AGMO: variants seen among roughly 807,000 people sequenced by gnomAD.
AGMO encodes glyceryl-ether monooxygenase.
Under a neutral mutation model 60.2 loss-of-function variants are expected in AGMO, and 75 were observed. The observed-to-expected ratio is 1.25, with a 90% CI of 1.03 to 1.51. AGMO has a LOEUF of 1.51. AGMO is among the 40% of genes most tolerant of loss of function. AGMO has a pLI of 0.00. For missense variants in AGMO, 763 were observed against 525.5 expected (o/e 1.45, Z -4.42); for synonymous variants, 261 against 177.1 (o/e 1.47, Z -3.76).
At chr7:15,505,634 G>T (rs1783494205) in intron 3 of AGMO, among the ~76,000 whole-genome samples, 1 of 151,726 alleles carries the variant, frequency 6.6e-6, no homozygotes, top group African/African-American at 2.4e-5. Context: ...TGTTCTTGGG[G>T]ACAAAGAGAA....
intron 10 of AGMO, among the ~76,000 whole-genome samples, chr7:15,380,451 C>A (rs1783632529): frequency 6.6e-6 from 1 of 151,914 alleles, no homozygotes; most frequent in South Asian, 2.1e-4. Flanking sequence ...TACAGATAAC[C>A]AGGGAGGTGA....
intron 4 of AGMO, among the ~76,000 whole-genome samples, chr7:15,419,349 A>T (rs2128494510): frequency 6.6e-6 from 1 of 152,138 alleles, no homozygotes; most frequent in South Asian, 2.1e-4. Flanking sequence ...TTGTTCTGCT[A>T]ATGACTTTGA....
chr7:15,394,314 A>T, intron 5 of AGMO, 135 bp from the exon 6 acceptor site: 1 of 678,322 alleles, frequency 1.5e-6, no homozygotes, highest in Non-Finnish European at 2.5e-6. Context: ...GAGTGGAAAA[A>T]AGTTCCACTG....
the AGMO span, among the ~76,000 whole-genome samples, chr7:15,165,626 AAG>A: frequency 6.6e-6 from 1 of 152,324 alleles, no homozygotes; most frequent in Non-Finnish European, 1.5e-5. Context: ...CCCAGATGTA[AAG>A]AGTAGCATAT....
At chr7:15,515,050 G>T (rs1227177334) in intron 3 of AGMO, among the ~76,000 whole-genome samples, 1 of 152,168 alleles carries the variant, frequency 6.6e-6, no homozygotes, top group Non-Finnish European at 1.5e-5. Context: ...CTCACCAATT[G>T]TCTGTTTAGG....
intron 3 of AGMO, among the ~76,000 whole-genome samples, chr7:15,500,182 G>C (rs1003645038): frequency 2.0e-5 from 3 of 151,736 alleles, no homozygotes; most frequent in Non-Finnish European, 2.9e-5. Flanking sequence ...GTTAACAAAT[G>C]AGCTTAACTG....
chr7:15,386,645 CATCTT>C (rs1017661888), intron 9 of AGMO, among the ~76,000 whole-genome samples: 1 of 152,094 alleles, frequency 6.6e-6, no homozygotes. Flanking sequence ...TTAAATAAAA[CATCTT>C]ATTTCCTTGA....
At chr7:15,168,640 C>T in the AGMO span, among the ~76,000 whole-genome samples, 2 of 152,154 alleles carry the variant, frequency 1.3e-5, no homozygotes, top group Non-Finnish European at 2.9e-5. Flanking sequence ...CCTTAGGAGG[C>T]AGGCTATTTT....
At chr7:15,240,739 T>C (rs187881672) in intron 12 of AGMO, among the ~76,000 whole-genome samples, 46 of 152,280 alleles carry the variant, frequency 3.0e-4, no homozygotes, top group African/African-American at 1.0e-3. Flanking sequence ...ATCTAAGACA[T>C]TTTTAAAGAA....
chr7:15,524,536 T>A (rs1784075132), intron 3 of AGMO, among the ~76,000 whole-genome samples: 1 of 152,120 alleles, frequency 6.6e-6, no homozygotes, highest in African/African-American at 2.4e-5. Context: ...CTTTATTGAA[T>A]CAGTTTGGAT....
downstream of AGMO, among the ~76,000 whole-genome samples, chr7:15,196,350 G>T (rs2115457751): frequency 6.6e-6 from 1 of 152,130 alleles, no homozygotes; most frequent in East Asian, 1.9e-4. Flanking sequence ...CGCCCGGCTG[G>T]CTCCGTTTCT....
chr7:15,512,251 T>A (rs897844949), intron 3 of AGMO, among the ~76,000 whole-genome samples: 1 of 152,138 alleles, frequency 6.6e-6, no homozygotes, highest in Admixed American at 6.5e-5. Context: ...ATTTCTTTTT[T>A]AAAATTTATT....
At chr7:15,484,838 C>G (rs973491378) in intron 3 of AGMO, among the ~76,000 whole-genome samples, 17 of 152,052 alleles carry the variant, frequency 1.1e-4, no homozygotes, top group Non-Finnish European at 2.2e-4. Context: ...AATAATATCA[C>G]ATACTTTAAA....
At chr7:15,125,602 G>T in the AGMO span, among the ~76,000 whole-genome samples, 3 of 151,802 alleles carry the variant, frequency 2.0e-5, no homozygotes, top group African/African-American at 7.3e-5. Flanking sequence ...ATGCTTACCA[G>T]GTGTCTTCTG....
chr7:15,315,399 G>A (rs1006167480), intron 12 of AGMO, among the ~76,000 whole-genome samples: 14 of 138,798 alleles, frequency 1.0e-4, no homozygotes, highest in South Asian at 2.4e-4. Flanking sequence ...GTGTAGTGGC[G>A]CGATCTAGGC....
At chr7:15,324,315 G>A (rs4612237) in intron 12 of AGMO, among the ~76,000 whole-genome samples, 70,562 of 151,892 alleles carry the variant, frequency 0.46, 16,866 homozygotes, top group Admixed American at 0.56. Flanking sequence ...CTGTCCCCAC[G>A]TGTTTGTCTC....
chr7:15,548,064 C>A (rs1173861248), intron 2 of AGMO, among the ~76,000 whole-genome samples: 1 of 151,940 alleles, frequency 6.6e-6, no homozygotes, highest in East Asian at 1.9e-4. Flanking sequence ...ACACTGACAC[C>A]TCACACGGCA....
chr7:15,532,644 C>G (rs1352345990), intron 3 of AGMO, among the ~76,000 whole-genome samples: 1 of 152,064 alleles, frequency 6.6e-6, no homozygotes. Context: ...GATTCAAAAT[C>G]TTGAGTTCTT....
the AGMO span, among the ~76,000 whole-genome samples, chr7:15,187,239 G>T: frequency 6.6e-6 from 1 of 152,126 alleles, no homozygotes; most frequent in Non-Finnish European, 1.5e-5. Context: ...AGTATCTATG[G>T]TTTATTCTAC....
Sources: allele counts gnomAD v4.1 joint callset (sites outside exome capture counted in the v4.1 genomes callset), GRCh38; gene constraint gnomAD v4.1.1; transcripts MANE v1.5; gene names NCBI Gene and HGNC (gene_info 2026-07-23, HGNC 2026-07-21).